The following ARHGAP6 variants were observed in gnomAD, a reference collection of about 807,000 sequenced individuals.
The protein encoded by ARHGAP6 is Rho GTPase activating protein 6, also known as rho GTPase-activating protein 6.
ARHGAP6 carries 16 observed loss-of-function variants against 55.7 expected under a neutral mutation model. That is an observed-to-expected ratio of 0.29 (90% confidence interval 0.19 to 0.44). The LOEUF is 0.44. Among genes scored for constraint, ARHGAP6 ranks in the 20% least tolerant of loss-of-function variants. The probability of loss-of-function intolerance (pLI) is 1.00; values close to 1 mark genes in which losing one functional copy is unlikely to be tolerated. For missense variants in ARHGAP6, 698 were observed against 808.9 expected, an observed-to-expected ratio of 0.86 and a Z score of 1.66; for synonymous variants, 382 against 360.9, an observed-to-expected ratio of 1.06 and a Z score of -0.66.
intron 2 of ARHGAP6, among the ~76,000 whole-genome samples, chrX:11,207,342 T>C (rs2046720250): frequency 9.0e-6 from 1 of 111,364 alleles, no homozygotes; most frequent in Non-Finnish European, 1.9e-5. Flanking sequence ...TGGTATTGAT[T>C]TTTAAAAAGT....
intron 1 of ARHGAP6, among the ~76,000 whole-genome samples, chrX:11,451,367 G>C (rs2050142071): frequency 8.9e-6 from 1 of 111,767 alleles, no homozygotes; most frequent in African/African-American, 3.3e-5. Context: ...TATATTTTCT[G>C]TACCCCTTGA....
intron 2 of ARHGAP6, among the ~76,000 whole-genome samples, chrX:11,216,613 A>G (rs747000616): frequency 3.6e-5 from 4 of 112,498 alleles, no homozygotes; most frequent in Non-Finnish European, 5.6e-5. Context: ...TCATATAATC[A>G]CTGTTCTATG....
intron 1 of ARHGAP6, among the ~76,000 whole-genome samples, chrX:11,482,708 C>G (rs1028265488): frequency 1.8e-5 from 2 of 111,417 alleles, no homozygotes; most frequent in Non-Finnish European, 3.8e-5. Context: ...CTAACAGGCT[C>G]TTACTCCAAA....
chrX:11,426,557 T>C (rs2049881909), intron 1 of ARHGAP6, among the ~76,000 whole-genome samples: 1 of 110,743 alleles, frequency 9.0e-6, no homozygotes, highest in Non-Finnish European at 1.9e-5. Flanking sequence ...AATTAGCAGA[T>C]GACAGAACAA....
At chrX:11,488,354 T>C (rs1170420806) in intron 1 of ARHGAP6, among the ~76,000 whole-genome samples, 2 of 112,149 alleles carry the variant, frequency 1.8e-5, no homozygotes, top group Admixed American at 9.4e-5. Context: ...GGTTGGAAAC[T>C]TACTCTCAAA....
At chrX:11,295,989 A>G (rs758061773) in intron 1 of ARHGAP6, among the ~76,000 whole-genome samples, 9 of 112,290 alleles carry the variant, frequency 8.0e-5, no homozygotes, top group Non-Finnish European at 1.5e-4. Context: ...GAGGACAGAC[A>G]GTCCTGATTC....
rs190021504 is a variant in ARHGAP6, at chrX:11,159,723, G to A, written c.1810-3097C>T. Among the ~76,000 whole-genome samples, 462 of 111,336 alleles carry A rather than the reference G, an allele frequency of 4.1e-3. 2 individuals carry two copies. The highest frequency in any genetic ancestry group is 6.9e-3 in the Non-Finnish European group (364 of 53,101). ...TAAGGATTCAGAGTTCATAGGAGAG[G>A]TCTGGGTTGAACATAGACATTTAAG... On this transcript the variant is annotated intron_variant, in intron 9 of 12. Transcript: ENST00000337414.
At chrX:11,626,438 A>G (rs936862553) in intron 1 of ARHGAP6, among the ~76,000 whole-genome samples, 23 of 112,121 alleles carry the variant, frequency 2.1e-4, no homozygotes, top group African/African-American at 7.1e-4. Context: ...AATGTTCTTT[A>G]TACTAATTTG....
At chrX:11,212,563 G>A (rs988799889) in intron 2 of ARHGAP6, among the ~76,000 whole-genome samples, 2 of 112,228 alleles carry the variant, frequency 1.8e-5, no homozygotes, top group East Asian at 5.6e-4. Context: ...CATCACTAGA[G>A]CCCCTGCAGA....
chrX:11,201,989 CTGTGTGTGTGTGTGTGTGTGTGTG>C (rs56023548), intron 2 of ARHGAP6, among the ~76,000 whole-genome samples: 56 of 65,541 alleles, frequency 8.5e-4, no homozygotes, highest in Middle Eastern at 0.018. Flanking sequence ...GCATCTGGAT[CTGTGTGTGTGTGTGTGTGTGTGTG>C]TGTGTGTGTG....
chrX:11,557,966 A>G (rs2051338872), intron 1 of ARHGAP6, among the ~76,000 whole-genome samples: 2 of 111,976 alleles, frequency 1.8e-5, no homozygotes, highest in South Asian at 7.4e-4. Flanking sequence ...AGATACGGTG[A>G]GTAGACCTAC....
intron 1 of ARHGAP6, among the ~76,000 whole-genome samples, chrX:11,529,613 A>G (rs1331529716): frequency 8.9e-6 from 1 of 111,984 alleles, no homozygotes; most frequent in African/African-American, 3.2e-5. Flanking sequence ...AAAGATCATT[A>G]AACATGCATT....
chrX:11,178,367 T>C (rs973765343), intron 7 of ARHGAP6, 119 bp from the exon 8 acceptor site: 5 of 858,010 alleles, frequency 5.8e-6, no homozygotes, highest in Non-Finnish European at 7.9e-6. Context: ...TCCCATTTCA[T>C]GCCTTCACTC....
intron 1 of ARHGAP6, among the ~76,000 whole-genome samples, chrX:11,609,069 G>C (rs2052071440): frequency 8.9e-6 from 1 of 111,806 alleles, no homozygotes; most frequent in African/African-American, 3.3e-5. Flanking sequence ...CGACTAGATA[G>C]ATGTAGGTTG....
intron 3 of ARHGAP6, among the ~76,000 whole-genome samples, chrX:11,190,222 A>T (rs1046515721): frequency 1.8e-5 from 2 of 111,857 alleles, no homozygotes; most frequent in Non-Finnish European, 3.8e-5. Flanking sequence ...ATTTGTTTTG[A>T]AGTAAAAAAG....
chrX:11,508,769 C>T (rs1235135248), intron 1 of ARHGAP6, among the ~76,000 whole-genome samples: 1 of 108,377 alleles, frequency 9.2e-6, no homozygotes, highest in Non-Finnish European at 1.9e-5. Flanking sequence ...CCACCCCTTT[C>T]GAATCTCAGC....
chrX:11,570,553 C>T (rs377331663), intron 1 of ARHGAP6, among the ~76,000 whole-genome samples: 2 of 110,195 alleles, frequency 1.8e-5, no homozygotes, highest in African/African-American at 6.6e-5. Flanking sequence ...AATCTCTCAG[C>T]ACAACCAGAA....
chrX:11,141,052 T>C (rs2045613087), intron 12 of ARHGAP6, among the ~76,000 whole-genome samples: 1 of 111,644 alleles, frequency 9.0e-6, no homozygotes. Context: ...CAGTGAGATA[T>C]AGTTAGAAAA....
At chrX:11,467,385 A>G (rs1202303018) in intron 1 of ARHGAP6, among the ~76,000 whole-genome samples, 3 of 111,062 alleles carry the variant, frequency 2.7e-5, no homozygotes, top group Non-Finnish European at 5.7e-5. Flanking sequence ...ACAAACAAAA[A>G]AAAACACTCT....
Sources: gnomAD v4.1 joint callset for allele counts (sites outside exome capture counted in the v4.1 genomes callset) on GRCh38, gnomAD v4.1.1 for gene constraint, MANE v1.5 for transcripts, NCBI Gene and HGNC (gene_info 2026-07-23, HGNC 2026-07-21) for gene names.